ZNF462: variants seen among roughly 807,000 people sequenced by gnomAD.
ZNF462 encodes zinc finger PBX1-interacting protein.
ZNF462 carries 10 observed loss-of-function variants against 201.9 expected under a neutral mutation model. That is an observed-to-expected ratio of 0.05 (90% confidence interval 0.03 to 0.08). The LOEUF (loss-of-function observed/expected upper bound fraction) is 0.08, where lower values mean the gene tolerates loss of function less well. ZNF462 is among the 10% of genes least tolerant of loss of function. The pLI, the probability that ZNF462 is intolerant of heterozygous loss-of-function variation, is 1.00. For synonymous variants in ZNF462, 1,227 were observed against 1,193.3 expected, an observed-to-expected ratio of 1.03 and a Z score of -0.58; for missense variants, 2,523 against 3,168.3, an observed-to-expected ratio of 0.80 and a Z score of 4.89.
chr9:106,891,700 C>A (rs1439644459), intron 1 of ZNF462, among the ~76,000 whole-genome samples: 1 of 152,234 alleles, frequency 6.6e-6, no homozygotes, highest in South Asian at 2.1e-4. Context: ...CTCTCCACAC[C>A]CTTGATTATA....
At chr9:106,998,038 A>G (rs1828871905) in intron 10 of ZNF462, among the ~76,000 whole-genome samples, 1 of 152,180 alleles carries the variant, frequency 6.6e-6, no homozygotes, top group Non-Finnish European at 1.5e-5. Context: ...CAGAAAGCCT[A>G]AAAATATTTA....
rs149443116 is a variant in ZNF462 at position 106,902,623 on chromosome 9, T to G, written c.-30-20731T>G. Among the ~76,000 whole-genome samples the G allele has an allele frequency of 4.6e-4, 70 of 152,240 alleles. 1 individual carries two copies. In the East Asian group the frequency reaches 0.013, roughly 29 times the overall value. ...CTGCTTGTTATTGGTCTGTTCAGGG[T>G]ACCTAATTCTTCCTGATTTAAGCTG... On this transcript the variant is annotated intron_variant, in intron 1 of 12. Transcript: ENST00000277225. The surrounding 1 kb of genome is among the most constrained non-coding windows in gnomAD (Gnocchi z 4.2).
intron 1 of ZNF462, among the ~76,000 whole-genome samples, chr9:106,912,130 C>T (rs942084352): frequency 6.6e-6 from 1 of 152,150 alleles, no homozygotes; most frequent in African/African-American, 2.4e-5. Flanking sequence ...TCCTAAGGCT[C>T]GTTCAGCTAG....
intron 9 of ZNF462, chr9:106,976,582 G>C (rs189205804): frequency 1.6e-4 from 25 of 152,230 alleles, no homozygotes; most frequent in African/African-American, 4.8e-4. Context: ...CCTGTCACTG[G>C]TTATTTGTGG....
At chr9:106,888,041 A>ATTT (rs11290404) in intron 1 of ZNF462, among the ~76,000 whole-genome samples, 1 of 136,202 alleles carries the variant, frequency 7.3e-6, no homozygotes, top group Admixed American at 7.4e-5. Flanking sequence ...GTAAATGTGG[A>ATTT]TTTTTTTTTT....
At position 107,003,712 on chromosome 9, in the gene ZNF462, G is replaced by A. The variant is rs1393590724; in HGVS notation, c.7189+286G>A. 1.3e-5 allele frequency among the ~76,000 whole-genome samples: 2 copies of A among 152,246 alleles called. No individual in the cohort carries two copies. The highest frequency in any genetic ancestry group is 2.9e-5 in the Non-Finnish European group (2 of 68,002). ...TTTTAATAAGGAAAACTGGTATCTA[G>A]GGAATCTTCAGAATAAGGACAAGCA... On this transcript the variant is annotated intron_variant, in intron 11 of 12. Coordinates refer to ENST00000277225, the MANE Select transcript of ZNF462 (RefSeq NM_021224.6). The surrounding 1 kb of genome is among the most constrained non-coding windows in gnomAD (Gnocchi z 4.4).
intron 10 of ZNF462, among the ~76,000 whole-genome samples, chr9:106,985,138 C>T (rs1248858740): frequency 6.6e-6 from 1 of 152,128 alleles, no homozygotes. Context: ...AATGAGCCAA[C>T]ATGACTATGT....
intron 1 of ZNF462, among the ~76,000 whole-genome samples, chr9:106,869,139 C>G (rs12684759): frequency 0.078 from 11,914 of 152,210 alleles, 549 homozygotes; most frequent in South Asian, 0.14. Flanking sequence ...CAATTGGACT[C>G]TGAGGATCTA....
rs922105636 is a variant in ZNF462, at chr9:107,009,988, C to T, written c.7313+320C>T. ...ATTAGCGTGACATTCTATAATAGAA[C>T]GTGAATCGAGGTCAAAAGATCTGGC... On this transcript the variant is annotated intron_variant, in intron 12 of 12. Coordinates refer to ENST00000277225, the MANE Select transcript of ZNF462 (RefSeq NM_021224.6). The surrounding 1 kb of genome is among the most constrained non-coding windows in gnomAD (Gnocchi z 6.1). 2.6e-5 allele frequency among the ~76,000 whole-genome samples: 4 copies of T among 152,062 alleles called. No individual in the cohort carries two copies. Among genetic ancestry groups the T allele is most frequent in the African/African-American group, 7.2e-5 (3 of 41,394 alleles).
chr9:106,862,035 G>T (rs1827081991), upstream of ZNF462, among the ~76,000 whole-genome samples: 1 of 152,114 alleles, frequency 6.6e-6, no homozygotes, highest in Non-Finnish European at 1.5e-5. The surrounding 1 kb of genome is among the most constrained non-coding windows in gnomAD (Gnocchi z 4.2). Flanking sequence ...GAAAGTGGTG[G>T]TTCCGAAGCT....
intron 1 of ZNF462, among the ~76,000 whole-genome samples, chr9:106,900,958 G>T (rs1463812201): frequency 2.6e-5 from 4 of 152,006 alleles, no homozygotes; most frequent in Non-Finnish European, 4.4e-5. Flanking sequence ...TGAAATCTTT[G>T]CATAAGCCAA....
Position 107,005,983 on chromosome 9 carries a change from G to A in ZNF462, c.7189+2557G>A, listed in dbSNP as rs535722006. 7.9e-5 allele frequency among the ~76,000 whole-genome samples: 12 copies of A among 152,146 alleles called. No homozygotes were observed. Among genetic ancestry groups the A allele is most frequent in the Non-Finnish European group, 1.2e-4 (8 of 68,004 alleles). On this transcript the variant is annotated intron_variant, in intron 11 of 12. Coordinates refer to ENST00000277225, the MANE Select transcript of ZNF462 (RefSeq NM_021224.6). This position sits in a 1 kb window ranked among gnomAD's most constrained non-coding sequence, Gnocchi z 4.4. ...GTTCTTGGCACCTTTGTTGAAAACC[G>A]ATGGACTGTGAATGTGTGGATTTAT...
Position 106,928,104 on chromosome 9 carries a change from G to C in ZNF462, c.4192G>C (p.Gly1398Arg), listed in dbSNP as rs1389400381. ...AGCATTCCACCCCTGGGCCATGAAT[G>C]GTGATGAGTCAGTGCTACTGGACAT... ...YQAFHPWAMN[G>R]DESVLLDIIK... The change falls in exon 3 of 13, where the codon GGT (glycine) becomes CGT (arginine). Residue 1398 changes from glycine to arginine, a missense_variant. Physicochemically the swap from Gly to Arg is moderately radical, Grantham distance 125. This residue lies in a region of ZNF462 where 165 missense variants were observed against 142.6 expected (regional missense o/e 1.16). Coordinates refer to ENST00000277225, the MANE Select transcript of ZNF462 (RefSeq NM_021224.6). This position sits in a 1 kb window ranked among gnomAD's most constrained non-coding sequence, Gnocchi z 9.3. 4.3e-6 allele frequency: 7 copies of C among 1,614,074 alleles called. No homozygotes were observed. In the Middle Eastern group the frequency reaches 4.9e-4, roughly 114 times the overall value.
At position 106,938,995 on chromosome 9, in the gene ZNF462, C is replaced by T; in HGVS notation, c.6315C>T (p.Val2105=). The T allele has an allele frequency of 1.2e-6, 2 of 1,614,014 alleles. No homozygotes were observed. The highest frequency in any genetic ancestry group is 2.2e-5 in the South Asian group (2 of 91,052). ...ISQLKEHSLK[V]HGKALTLPRP... ...AGCTGAAGGAACACTCCCTCAAGGTCCACGGAAAAGCCCTGACCCTCCCCA... is the reference window on the plus strand; with the variant it reads ...AGCTGAAGGAACACTCCCTCAAGGTTCACGGAAAAGCCCTGACCCTCCCCA... The change falls in exon 7 of 13, where the codon GTC becomes GTT. Residue 2105 remains valine, a synonymous_variant. Transcript: ENST00000277225. The surrounding 1 kb of genome is among the most constrained non-coding windows in gnomAD (Gnocchi z 4.4).
In ZNF462 at chr9:106,938,895, C is replaced by G; in HGVS notation, c.6236-21C>G. The G allele has an allele frequency of 6.3e-7, 1 of 1,583,108 alleles. No individual in the cohort carries two copies. Among genetic ancestry groups the G allele is most frequent in the African/African-American group, 1.3e-5 (1 of 74,328 alleles). ...CTCCCCTCTTTTTCCTGTTCTATTTCTTGTCACCATCCTCTTCCAGGTGAG... is the reference window on the plus strand; with the variant it reads ...CTCCCCTCTTTTTCCTGTTCTATTTGTTGTCACCATCCTCTTCCAGGTGAG... On this transcript the variant is annotated intron_variant, in intron 6 of 12. Coordinates refer to ENST00000277225, the MANE Select transcript of ZNF462 (RefSeq NM_021224.6). The surrounding 1 kb of genome is among the most constrained non-coding windows in gnomAD (Gnocchi z 4.4).
rs1588214380 is a variant in ZNF462 at position 107,010,242 on chromosome 9, G to T, written c.7313+574G>T. Among the ~76,000 whole-genome samples the T allele has an allele frequency of 6.6e-6, 1 of 152,302 alleles. No homozygotes were observed. The highest frequency in any genetic ancestry group is 1.5e-5 in the Non-Finnish European group (1 of 68,020). ...GTCTTTTCAGGAGGAAACATGGCTT[G>T]TGTGGTGATAGGAAGCCTGAAGCTT... On this transcript the variant is annotated intron_variant, in intron 12 of 12. Transcript: ENST00000277225. The surrounding 1 kb of genome is among the most constrained non-coding windows in gnomAD (Gnocchi z 4.6).
chr9:106,982,244 A>G (rs1420470085), intron 9 of ZNF462, among the ~76,000 whole-genome samples: 1 of 152,112 alleles, frequency 6.6e-6, no homozygotes, highest in Non-Finnish European at 1.5e-5. Flanking sequence ...GCCTCCCCAG[A>G]GTGTGTTAGT....
intron 9 of ZNF462, among the ~76,000 whole-genome samples, chr9:106,983,927 GCCCACCCCACCTCTA>G: frequency 6.6e-6 from 1 of 152,042 alleles, no homozygotes; most frequent in African/African-American, 2.4e-5. Flanking sequence ...GCACCTACTA[GCCCACCCCACCTCTA>G]TTTATAGGTC....
intron 7 of ZNF462, among the ~76,000 whole-genome samples, chr9:106,956,357 G>C (rs1831574197): frequency 6.6e-6 from 1 of 152,152 alleles, no homozygotes; most frequent in Non-Finnish European, 1.5e-5. Context: ...TATCTGAGTT[G>C]TAAGTCCCAA....
Sources: gnomAD v4.1 joint callset for allele counts (sites outside exome capture counted in the v4.1 genomes callset) on GRCh38, gnomAD v4.1.1 for gene constraint, gnomAD v4.1.1 regional missense constraint, Gnocchi (gnomAD v3.1) non-coding constraint, MANE v1.5 for transcripts, NCBI Gene and HGNC (gene_info 2026-07-23, HGNC 2026-07-21) for gene names.